ABCA13: variants seen among roughly 807,000 people sequenced by gnomAD.
ABCA13 encodes the protein ATP binding cassette subfamily A member 13, also known as ATP-binding cassette sub-family A member 13.
In ABCA13, 476 loss-of-function variants were observed where a neutral mutation model predicts 478.7. The observed-to-expected ratio is 0.99, with a 90% CI of 0.92 to 1.07. The LOEUF (loss-of-function observed/expected upper bound fraction) is 1.07. Among genes scored for constraint, ABCA13 ranks in the 50% least tolerant of loss-of-function variants. The pLI is 0.00. For synonymous variants in ABCA13, 2,252 were observed against 2,158.9 expected (o/e 1.04, Z -1.20); for missense variants, 6,060 against 5,910.6 (o/e 1.03, Z -0.83).
chr7:48,617,586 T>TC (rs1304252257), intron 59 of ABCA13, among the ~76,000 whole-genome samples: 1 of 152,090 alleles, frequency 6.6e-6, no homozygotes, highest in Non-Finnish European at 1.5e-5. Context: ...AGGGCAGGGC[T>TC]TGGGCTTCAG....
chr7:48,537,761 G>A (rs1386060174), intron 55 of ABCA13, among the ~76,000 whole-genome samples: 2 of 152,038 alleles, frequency 1.3e-5, no homozygotes, highest in Non-Finnish European at 2.9e-5. Context: ...GGTGACTCAG[G>A]ACAGAGCAGG....
intron 1 of ABCA13, among the ~76,000 whole-genome samples, chr7:48,190,587 A>T (rs545910164): frequency 2.8e-4 from 43 of 152,200 alleles, no homozygotes; most frequent in Non-Finnish European, 5.3e-4. Flanking sequence ...TTCTCTTCTA[A>T]GTAAGTACCA....
chr7:48,414,276 C>T (rs1819658710), intron 41 of ABCA13, among the ~76,000 whole-genome samples: 1 of 152,140 alleles, frequency 6.6e-6, no homozygotes, highest in Non-Finnish European at 1.5e-5. Context: ...CCCCACCCGC[C>T]CTCACTGCAC....
At chr7:48,236,556 G>A (rs181644109) in intron 8 of ABCA13, among the ~76,000 whole-genome samples, 1 of 152,272 alleles carries the variant, frequency 6.6e-6, no homozygotes, top group East Asian at 1.9e-4. Flanking sequence ...CCTTGGGTCT[G>A]AGCCTCTTTC....
chr7:48,373,844 AT>A (rs1381523591), intron 33 of ABCA13, among the ~76,000 whole-genome samples: 1 of 152,176 alleles, frequency 6.6e-6, no homozygotes, highest in Non-Finnish European at 1.5e-5. Context: ...GGTACACTGT[AT>A]TTTTTAATGT....
At chr7:48,261,317 G>A (rs1054080852) in intron 15 of ABCA13, among the ~76,000 whole-genome samples, 107 of 151,950 alleles carry the variant, frequency 7.0e-4, no homozygotes, top group African/African-American at 2.4e-3. Context: ...TAGCTTCCCC[G>A]CCGCTTTTCC....
At chr7:48,418,339 C>T (rs993258579) in intron 41 of ABCA13, among the ~76,000 whole-genome samples, 1 of 152,160 alleles carries the variant, frequency 6.6e-6, no homozygotes, top group Non-Finnish European at 1.5e-5. Context: ...CATATTCTTG[C>T]CAACATTTGG....
intron 21 of ABCA13, among the ~76,000 whole-genome samples, chr7:48,296,184 A>G (rs1799339126): frequency 6.6e-6 from 1 of 152,144 alleles, no homozygotes; most frequent in African/African-American, 2.4e-5. Flanking sequence ...GAGGCTAGGA[A>G]TTTGAGACCA....
intron 41 of ABCA13, among the ~76,000 whole-genome samples, chr7:48,424,058 T>A (rs1299966885): frequency 6.6e-6 from 1 of 152,256 alleles, no homozygotes; most frequent in East Asian, 1.9e-4. Context: ...GGAAGACATA[T>A]GTATAAATAA....
intron 42 of ABCA13, among the ~76,000 whole-genome samples, chr7:48,454,629 C>A (rs1475300322): frequency 6.6e-6 from 1 of 152,040 alleles, no homozygotes; most frequent in Non-Finnish European, 1.5e-5. Flanking sequence ...AAAAGCAGGC[C>A]GTGGGGTTAT....
intron 42 of ABCA13, among the ~76,000 whole-genome samples, chr7:48,444,256 T>C (rs1411301317): frequency 1.3e-5 from 2 of 152,148 alleles, no homozygotes. Context: ...TCCAGTTGCC[T>C]CCATAGCTCT....
intron 55 of ABCA13, among the ~76,000 whole-genome samples, chr7:48,535,820 G>A (rs750366074): frequency 6.6e-6 from 1 of 152,080 alleles, no homozygotes; most frequent in African/African-American, 2.4e-5. Flanking sequence ...TTACCCCGCT[G>A]CCATACAGCC....
At position 48,350,777 on chromosome 7, in the gene ABCA13, A is replaced by T. The variant is rs1213470739; in HGVS notation, c.10339A>T (p.Thr3447Ser). The change falls in exon 30 of 62, where the codon ACT becomes TCT. Residue 3447 changes from threonine to serine, a missense_variant. By Grantham distance (58) the Thr-to-Ser change is moderately conservative (BLOSUM62 1). Around this residue, in one of 3 missense-constraint regions of ABCA13, gnomAD observed 4,423 missense variants for 4,309.1 expected, o/e 1.03. Coordinates refer to ENST00000435803, the MANE Select transcript of ABCA13 (RefSeq NM_152701.5). ...TCTGCAGTCTGTCGACATCCTGGAG[A>T]CTAAAGCACATGAACTCTTGCAGCA... The part of the protein sequence containing the change: ...QALQSVDILE[T>S]KAHELLQQNS... The T allele has an allele frequency of 6.2e-6, 10 of 1,613,720 alleles. No individual in the cohort carries two copies. The highest frequency in any genetic ancestry group is 8.5e-6 in the Non-Finnish European group (10 of 1,179,844).
chr7:48,239,657 C>T (rs1790516736), intron 9 of ABCA13, among the ~76,000 whole-genome samples: 1 of 152,226 alleles, frequency 6.6e-6, no homozygotes, highest in South Asian at 2.1e-4. Flanking sequence ...CACACCTTGG[C>T]AACTCAGAAG....
chr7:48,429,525 G>A (rs2129140566), intron 42 of ABCA13, among the ~76,000 whole-genome samples: 1 of 152,260 alleles, frequency 6.6e-6, no homozygotes, highest in Middle Eastern at 3.4e-3. Flanking sequence ...TTTCACTGGT[G>A]GCTAATGATG....
intron 27 of ABCA13, among the ~76,000 whole-genome samples, chr7:48,322,701 A>G (rs1803672867): frequency 6.6e-6 from 1 of 152,158 alleles, no homozygotes; most frequent in African/African-American, 2.4e-5. Flanking sequence ...GGCACCCCCA[A>G]CAGGCACTGT....
At chr7:48,555,229 G>A (rs1191934248) in intron 55 of ABCA13, among the ~76,000 whole-genome samples, 1 of 151,788 alleles carries the variant, frequency 6.6e-6, no homozygotes, top group African/African-American at 2.4e-5. Flanking sequence ...GTTGAATTCA[G>A]TTTGCTTGTA....
chr7:48,619,767 G>A (rs966763314), intron 59 of ABCA13, among the ~76,000 whole-genome samples: 1 of 152,170 alleles, frequency 6.6e-6, no homozygotes, highest in Non-Finnish European at 1.5e-5. Context: ...GGTAAAGGGC[G>A]ATTTCCTGGG....
rs58724216 is a variant in ABCA13, at chr7:48,410,093, C to CAAAAA, written c.12071-413_12071-409dup. On this transcript the variant is annotated intron_variant, in intron 39 of 61. Transcript: ENST00000435803. ...TGGGAGACAGAGCAAGACTCCATCT[C>CAAAAA]AAAAAAAAAAAAAAAAAAGGATGAG... Among the ~76,000 whole-genome samples, 2 of 67,174 alleles carry CAAAAA rather than the reference C, an allele frequency of 3.0e-5. 1 individual carries two copies. The highest frequency in any genetic ancestry group is 8.1e-4 in the East Asian group (2 of 2,470). The allele number at this position is 67,174 out of a possible 152,430, so 44.1% of individuals were successfully genotyped here.
Sources: allele counts gnomAD v4.1 joint callset (sites outside exome capture counted in the v4.1 genomes callset), GRCh38; gene constraint gnomAD v4.1.1; regional missense constraint gnomAD v4.1.1; transcripts MANE v1.5; gene names NCBI Gene and HGNC (gene_info 2026-07-23, HGNC 2026-07-21).